Variants in TTYH2 observed in about 807,000 individuals in gnomAD.
TTYH2 encodes the protein tweety family member 2.
TTYH2 carries 49 observed loss-of-function variants against 68.3 expected under a neutral mutation model. That is an observed-to-expected ratio of 0.72 (90% CI 0.57 to 0.91). The LOEUF (loss-of-function observed/expected upper bound fraction) is 0.91. Ranked by LOEUF, TTYH2 falls within the 40% of genes least tolerant of loss-of-function variation. The probability of loss-of-function intolerance (pLI) is 0.00; values close to 1 mark genes in which losing one functional copy is unlikely to be tolerated. For missense variants in TTYH2, 631 were observed against 700.4 expected (o/e 0.90, Z 1.12); for synonymous variants, 272 against 300.8 (o/e 0.90, Z 0.99).
chr17:74,245,409 C>T (rs2050547067), intron 6 of TTYH2, among the ~76,000 whole-genome samples: 3 of 152,376 alleles, frequency 2.0e-5, no homozygotes, highest in African/African-American at 7.2e-5. Context: ...GCAGGGAGCA[C>T]ACGGCGAACT....
At chr17:74,223,650 G>A (rs561711055) in intron 2 of TTYH2, among the ~76,000 whole-genome samples, 4 of 152,120 alleles carry the variant, frequency 2.6e-5, no homozygotes, top group Non-Finnish European at 5.9e-5. Context: ...GAGTTGTTGC[G>A]TTTTTCTTGT....
rs141990265 is a variant in TTYH2, at chr17:74,253,169, C to G, written c.1348C>G (p.Leu450Val). The G allele has an allele frequency of 2.9e-4, 472 of 1,613,958 alleles. No individual in the cohort carries two copies. The highest frequency in any genetic ancestry group is 3.9e-4 in the Non-Finnish European group (460 of 1,179,998). ...MAAHSPPRGQ[L>V]HSFCSYSSGL... ...GGCTCACAGTCCCCCGAGGGGACAG[C>G]TTCACAGCTTCTGCAGCTACAGCAG... The change falls in exon 12 of 14, where the codon CTT becomes GTT. Residue 450 changes from leucine (L) to valine (V), a missense_variant. Coordinates refer to ENST00000269346, the MANE Select transcript of TTYH2 (RefSeq NM_032646.6).
chr17:74,228,474 T>C (rs190051990), intron 2 of TTYH2, among the ~76,000 whole-genome samples: 1 of 152,252 alleles, frequency 6.6e-6, no homozygotes, highest in Non-Finnish European at 1.5e-5. Context: ...GCAGGTCAGA[T>C]GGAATATGAT....
chr17:74,218,508 A>AT (rs1297647949), intron 1 of TTYH2, among the ~76,000 whole-genome samples: 103 of 145,698 alleles, frequency 7.1e-4, no homozygotes, highest in African/African-American at 2.2e-3. Flanking sequence ...GCCTGTCTGT[A>AT]TTTTTTTTTA....
At chr17:74,237,584 A>G in intron 4 of TTYH2, 70 bp downstream of exon 4, 2 of 1,371,828 alleles carry the variant, frequency 1.5e-6, no homozygotes, top group East Asian at 2.3e-5. Context: ...CCAAACCTGC[A>G]TGTTGAGCTC....
intron 13 of TTYH2, among the ~76,000 whole-genome samples, chr17:74,259,344 G>T (rs2050724737): frequency 6.6e-6 from 1 of 152,036 alleles, no homozygotes; most frequent in Non-Finnish European, 1.5e-5. Context: ...CTCCCAAGTG[G>T]CTGGGACTAC....
rs1169642557 is a variant in TTYH2, at chr17:74,217,743, T to C, written c.129+4027T>C. ...GGGCCAGGGCTGTTGCCCCCTCCCC[T>C]GCCCAGTGCAGAAGCCCCTTGGGTC... On this transcript the variant is annotated intron_variant, in intron 1 of 13. Coordinates refer to ENST00000269346, the MANE Select transcript of TTYH2 (RefSeq NM_032646.6). The surrounding 1 kb of genome is among the most constrained non-coding windows in gnomAD (Gnocchi z 4.0). Among the ~76,000 whole-genome samples, 1 of 152,224 alleles carries C rather than the reference T, an allele frequency of 6.6e-6. No homozygotes were observed. Among genetic ancestry groups the C allele is most frequent in the Non-Finnish European group, 1.5e-5 (1 of 68,022 alleles).
Position 74,249,402 on chromosome 17 carries a change from A to T in TTYH2, c.930+3A>T. ...GTGGAAGCAGCCCCTTCCAGCAGGTATGGCCCCCCGAGGCCTGCCCTCACC... is the reference window on the plus strand; with the variant it reads ...GTGGAAGCAGCCCCTTCCAGCAGGTTTGGCCCCCCGAGGCCTGCCCTCACC... On this transcript the variant is annotated splice_donor_region_variant and intron_variant, in intron 8 of 13. Coordinates refer to ENST00000269346, the MANE Select transcript of TTYH2 (RefSeq NM_032646.6). 2 of 1,613,758 alleles carry T rather than the reference A, an allele frequency of 1.2e-6. No homozygotes were observed. The highest frequency in any genetic ancestry group is 1.7e-6 in the Non-Finnish European group (2 of 1,179,986).
chr17:74,238,496 T>C (rs912599321), intron 4 of TTYH2, among the ~76,000 whole-genome samples: 48 of 151,984 alleles, frequency 3.2e-4, no homozygotes, highest in African/African-American at 1.1e-3. Context: ...ACTCCTGGGC[T>C]CAAGTGATCC....
intron 3 of TTYH2, among the ~76,000 whole-genome samples, chr17:74,233,934 C>G (rs116511232): frequency 1.3e-5 from 2 of 152,118 alleles, no homozygotes. Context: ...GCATTGCTGA[C>G]CCGAGGTTGA....
At chr17:74,248,578 G>A in intron 6 of TTYH2, 7 of 1,031,028 alleles carry the variant, frequency 6.8e-6, no homozygotes, top group South Asian at 4.0e-5. Context: ...ATCATAGCAA[G>A]ACAAAATGTA....
In TTYH2 at chr17:74,260,221, G is replaced by T; in HGVS notation, c.*12G>T. 1 of 1,613,466 alleles carries T rather than the reference G, an allele frequency of 6.2e-7. No homozygotes were observed. The highest frequency in any genetic ancestry group is 2.2e-5 in the East Asian group (1 of 44,870). ...AGTTTCCAGCCTAACAGACTTTCGG[G>T]GGTTCCTGCCTCCTTTTTCCGTTCT... is the stretch of plus-strand genomic sequence containing the variant. On this transcript the variant is annotated 3_prime_UTR_variant, in exon 14 of 14. Coordinates refer to ENST00000269346, the MANE Select transcript of TTYH2 (RefSeq NM_032646.6).
At chr17:74,248,160 C>A in intron 6 of TTYH2, 1 of 623,848 alleles carries the variant, frequency 1.6e-6, no homozygotes, top group Non-Finnish European at 2.0e-6. Context: ...GAGCATGTGC[C>A]AGAGGAGGGG....
intron 4 of TTYH2, chr17:74,240,887 G>A (rs1203336118): frequency 1.3e-5 from 2 of 152,216 alleles, no homozygotes; most frequent in Non-Finnish European, 2.9e-5. Flanking sequence ...AGGCGTGGAG[G>A]CAGGGAAAAT....
intron 6 of TTYH2, chr17:74,248,623 CA>C (rs1300790947): frequency 4.8e-5 from 53 of 1,107,408 alleles, no homozygotes; most frequent in African/African-American, 6.4e-5. Flanking sequence ...AACGAACTCC[CA>C]CACACACAGC....
chr17:74,252,901 TG>T (rs1472895715), intron 11 of TTYH2, among the ~76,000 whole-genome samples, 179 bp from the exon 12 acceptor site: 1 of 152,046 alleles, frequency 6.6e-6, no homozygotes, highest in Non-Finnish European at 1.5e-5. Context: ...GTCGTGAAGC[TG>T]GGAATGGGCC....
Position 74,237,366 on chromosome 17 carries a change from G to A in TTYH2, c.487G>A (p.Ala163Thr). 6.2e-7 allele frequency: 1 copy of A among 1,614,174 alleles called. No homozygotes were observed. Among genetic ancestry groups the A allele is most frequent in the African/African-American group, 1.3e-5 (1 of 75,040 alleles). The change falls in exon 4 of 14, where the codon GCC becomes ACC. Residue 163 changes from alanine (A) to threonine (T), a missense_variant. Transcript: ENST00000269346. ...GGCCCGGCTCAGTGAGATCTTTGCT[G>A]CCCGGGGCGATTACCTGCAGACCCT... ...HLARLSEIFAARGDYLQTLKF... is the reference protein window; with the variant it reads ...HLARLSEIFATRGDYLQTLKF...
At chr17:74,253,377 C>A in intron 12 of TTYH2, 111 bp downstream of exon 12, 2 of 1,309,414 alleles carry the variant, frequency 1.5e-6, no homozygotes, top group East Asian at 2.5e-5. Context: ...CCCGTGGTCC[C>A]CACTACAGCC....
At position 74,260,782 on chromosome 17, in the gene TTYH2, C is replaced by T. The variant is rs948247153; in HGVS notation, c.*573C>T. ...CAGGGCCAGACAGGCTCTTCCTGGG[C>T]CACAGAGGGGAGGCATCAGGAAAGC... is the stretch of plus-strand genomic sequence containing the variant. On this transcript the variant is annotated 3_prime_UTR_variant, in exon 14 of 14. Coordinates refer to ENST00000269346, the MANE Select transcript of TTYH2 (RefSeq NM_032646.6). 2 of 154,680 alleles carry T rather than the reference C, an allele frequency of 1.3e-5. No homozygotes were observed. Among genetic ancestry groups the T allele is most frequent in the Non-Finnish European group, 2.9e-5 (2 of 69,468 alleles). The allele number at this position is 154,680 out of a possible 1,614,324, so 9.6% of individuals were successfully genotyped here. A position where few individuals can be genotyped will look rare whatever the true frequency, so the allele number is the denominator to read the frequency against.
Sources: allele counts gnomAD v4.1 joint callset (sites outside exome capture counted in the v4.1 genomes callset), GRCh38; gene constraint gnomAD v4.1.1; non-coding constraint Gnocchi (gnomAD v3.1); transcripts MANE v1.5; gene names NCBI Gene and HGNC (gene_info 2026-07-23, HGNC 2026-07-21).